Variants in ALCAM observed in about 807,000 individuals in gnomAD.
The protein encoded by ALCAM is activated leukocyte cell adhesion molecule.
Under a neutral mutation model 70.9 loss-of-function variants are expected in ALCAM, and 30 were observed. The ratio of observed to expected loss-of-function variants is 0.42; its 90% CI spans 0.32 to 0.57. The LOEUF (loss-of-function observed/expected upper bound fraction) is 0.57. Ranked by LOEUF, ALCAM falls within the 20% of genes least tolerant of loss-of-function variation. The pLI is 0.11. For synonymous variants in ALCAM, 249 were observed against 242.5 expected, an observed-to-expected ratio of 1.03 and a Z score of -0.25; for missense variants, 591 against 695.1, an observed-to-expected ratio of 0.85 and a Z score of 1.68.
chr3:105,418,047 T>C (rs1278494430), intron 1 of ALCAM, among the ~76,000 whole-genome samples: 1 of 151,882 alleles, frequency 6.6e-6, no homozygotes, highest in Non-Finnish European at 1.5e-5. Context: ...GATGTGATTA[T>C]GTAGTACATT....
At position 105,576,034 on chromosome 3, in the gene ALCAM, A is replaced by G. The variant is rs1277756606; in HGVS notation, c.*1583A>G. 2 of 152,188 alleles carry G rather than the reference A, an allele frequency of 1.3e-5. No individual in the cohort carries two copies. Among genetic ancestry groups the G allele is most frequent in the African/African-American group, 4.8e-5 (2 of 41,436 alleles). The allele number at this position is 152,188 out of a possible 1,614,324, so 9.4% of individuals were successfully genotyped here. On this transcript the variant is annotated 3_prime_UTR_variant, in exon 16 of 16. Coordinates refer to ENST00000306107, the MANE Select transcript of ALCAM (RefSeq NM_001627.4). Reference sequence around the variant, plus strand: ...ACCATTTACTGTCTGGGCAATAGTGACTCCGTTTAATAAAAGCTTCCGTAG... The same window carrying G: ...ACCATTTACTGTCTGGGCAATAGTGGCTCCGTTTAATAAAAGCTTCCGTAG...
At position 105,403,039 on chromosome 3, in the gene ALCAM, T is replaced by C. The variant is rs369869068; in HGVS notation, c.73+35558T>C. Among the ~76,000 whole-genome samples the C allele has an allele frequency of 4.7e-5, 7 of 150,496 alleles. No homozygotes were observed. In the South Asian group the frequency reaches 1.3e-3, roughly 27 times the overall value. On this transcript the variant is annotated intron_variant, in intron 1 of 15. Transcript: ENST00000306107. Reference sequence around the variant, plus strand: ...TCAGCTCATTGCAACCTCTTCTTCCTGGGTTCAAGTGATACTCCTGCCTCA... The same window carrying C: ...TCAGCTCATTGCAACCTCTTCTTCCCGGGTTCAAGTGATACTCCTGCCTCA...
intron 14 of ALCAM, among the ~76,000 whole-genome samples, chr3:105,568,769 A>T (rs757765239): frequency 2.0e-4 from 30 of 152,090 alleles, no homozygotes; most frequent in Non-Finnish European, 3.8e-4. Flanking sequence ...TTTTCTTTCA[A>T]TTTCTACTTT....
intron 2 of ALCAM, among the ~76,000 whole-genome samples, chr3:105,521,278 G>A (rs947887046): frequency 1.5e-5 from 2 of 132,908 alleles, no homozygotes; most frequent in Non-Finnish European, 3.1e-5. Flanking sequence ...TCCGCAGTCC[G>A]GCCTGGGCGA....
chr3:105,518,106 G>A (rs1311450338), intron 1 of ALCAM, among the ~76,000 whole-genome samples: 1 of 149,444 alleles, frequency 6.7e-6, no homozygotes, highest in East Asian at 2.1e-4. Context: ...TAAATTCTTG[G>A]AAAAGGAATT....
At chr3:105,403,944 C>T (rs535364917) in intron 1 of ALCAM, among the ~76,000 whole-genome samples, 3 of 150,730 alleles carry the variant, frequency 2.0e-5, no homozygotes, top group Non-Finnish European at 4.4e-5. Flanking sequence ...GCAAAATGTA[C>T]TAGAAAGTAT....
chr3:105,548,115 C>A (rs987556686), intron 11 of ALCAM, among the ~76,000 whole-genome samples: 1 of 151,324 alleles, frequency 6.6e-6, no homozygotes, highest in African/African-American at 2.4e-5. Context: ...ATAAACCAGA[C>A]CTTAATATTT....
intron 6 of ALCAM, among the ~76,000 whole-genome samples, chr3:105,535,200 A>C (rs980058389): frequency 5.3e-5 from 8 of 152,188 alleles, no homozygotes; most frequent in Admixed American, 4.6e-4. Flanking sequence ...TTAATGAAGA[A>C]ATTTATTTTA....
chr3:105,554,748 C>T (rs1940480950), intron 14 of ALCAM, among the ~76,000 whole-genome samples: 1 of 146,814 alleles, frequency 6.8e-6, no homozygotes, highest in African/African-American at 2.5e-5. Context: ...TATAGAAGTT[C>T]TCCTTCTGTG....
At chr3:105,537,998 G>C (rs1407683183) in intron 6 of ALCAM, among the ~76,000 whole-genome samples, 1 of 152,128 alleles carries the variant, frequency 6.6e-6, no homozygotes, top group African/African-American at 2.4e-5. Flanking sequence ...TCTCACTTGA[G>C]CTGGGTTCAA....
chr3:105,509,551 T>TA (rs1227569484), intron 1 of ALCAM, among the ~76,000 whole-genome samples: 2 of 152,098 alleles, frequency 1.3e-5, no homozygotes, highest in African/African-American at 4.8e-5. Flanking sequence ...CTGTTTTTTT[T>TA]ATCTGCTTCT....
At chr3:105,455,643 T>TCCAGGA (rs1299113253) in intron 1 of ALCAM, among the ~76,000 whole-genome samples, 1 of 152,128 alleles carries the variant, frequency 6.6e-6, no homozygotes, top group East Asian at 1.9e-4. Flanking sequence ...TGGGCGGAAG[T>TCCAGGA]AGCTTTCCTG....
At chr3:105,370,434 C>T (rs570245382) in intron 1 of ALCAM, among the ~76,000 whole-genome samples, 56 of 152,166 alleles carry the variant, frequency 3.7e-4, no homozygotes, top group African/African-American at 1.2e-3. Flanking sequence ...GTCATTTAAC[C>T]TTTTTGAGCT....
At chr3:105,514,096 G>T (rs1939316439) in intron 1 of ALCAM, among the ~76,000 whole-genome samples, 1 of 151,652 alleles carries the variant, frequency 6.6e-6, no homozygotes. Flanking sequence ...CTCATTGCTG[G>T]GATTCCTTTC....
chr3:105,389,835 T>A (rs1935765189), intron 1 of ALCAM, among the ~76,000 whole-genome samples: 1 of 151,652 alleles, frequency 6.6e-6, no homozygotes, highest in Non-Finnish European at 1.5e-5. Flanking sequence ...GAACATGTGA[T>A]GTTTGGCTTT....
At chr3:105,396,627 T>G (rs1182544346) in intron 1 of ALCAM, among the ~76,000 whole-genome samples, 1 of 152,060 alleles carries the variant, frequency 6.6e-6, no homozygotes, top group Non-Finnish European at 1.5e-5. Context: ...TTCAGCAATA[T>G]CTACTATCTA....
intron 1 of ALCAM, among the ~76,000 whole-genome samples, chr3:105,372,403 A>G (rs1431516697): frequency 2.0e-5 from 3 of 152,124 alleles, no homozygotes; most frequent in Non-Finnish European, 4.4e-5. Flanking sequence ...AGATAGGCCT[A>G]GTTCCAAATG....
chr3:105,521,139 A>C (rs540846852), intron 2 of ALCAM, among the ~76,000 whole-genome samples: 1 of 150,072 alleles, frequency 6.7e-6, no homozygotes, highest in Non-Finnish European at 1.5e-5. Context: ...GTCTCTACTA[A>C]AAATACAAAA....
At chr3:105,371,582 TA>T (rs1430099567) in intron 1 of ALCAM, among the ~76,000 whole-genome samples, 2 of 152,068 alleles carry the variant, frequency 1.3e-5, no homozygotes, top group Non-Finnish European at 2.9e-5. Flanking sequence ...TGGGCCTTTG[TA>T]AAACTTAGTA....
Sources: allele counts gnomAD v4.1 joint callset (sites outside exome capture counted in the v4.1 genomes callset), GRCh38; gene constraint gnomAD v4.1.1; transcripts MANE v1.5; gene names NCBI Gene and HGNC (gene_info 2026-07-23, HGNC 2026-07-21).